Variants in MSRA observed in about 807,000 individuals in gnomAD.
MSRA encodes the protein mitochondrial peptide methionine sulfoxide reductase.
A neutral mutation model predicts 31.3 loss-of-function variants in MSRA; 54 were observed. The ratio of observed to expected loss-of-function variants is 1.73; its 90% CI spans 1.39 to 2.17. The LOEUF (loss-of-function observed/expected upper bound fraction) is 2.17, where lower values mean the gene tolerates loss of function less well. Ranked by LOEUF, MSRA falls within the 30% of genes most tolerant of loss-of-function variation. The pLI is 0.00. For synonymous variants in MSRA, 169 were observed against 116.5 expected (o/e 1.45, Z -2.90); for missense variants, 507 against 300.9 (o/e 1.69, Z -5.07).
chr8:10,100,727 G>A (rs1345778887), intron 1 of MSRA, among the ~76,000 whole-genome samples: 2 of 152,104 alleles, frequency 1.3e-5, no homozygotes, highest in African/African-American at 4.8e-5. Context: ...GTTGTGCTCA[G>A]GTTATTTTAT....
chr8:10,229,481 A>G (rs910843602), intron 2 of MSRA, among the ~76,000 whole-genome samples: 1 of 152,132 alleles, frequency 6.6e-6, no homozygotes, highest in Non-Finnish European at 1.5e-5. Context: ...GTACCACAGC[A>G]TGCTGTGATT....
chr8:10,334,634 C>T (rs1802913511), intron 5 of MSRA, among the ~76,000 whole-genome samples: 1 of 152,208 alleles, frequency 6.6e-6, no homozygotes, highest in Non-Finnish European at 1.5e-5. Context: ...AGGCAATGTT[C>T]ATTTAACGCT....
At chr8:10,215,581 G>A (rs1277162271) in intron 2 of MSRA, among the ~76,000 whole-genome samples, 1 of 152,084 alleles carries the variant, frequency 6.6e-6, no homozygotes, top group African/African-American at 2.4e-5. Flanking sequence ...CGTAACTCAG[G>A]GATTTTGAAG....
chr8:10,284,313 C>T (rs1013241036), intron 3 of MSRA, among the ~76,000 whole-genome samples: 20 of 152,192 alleles, frequency 1.3e-4, no homozygotes, highest in African/African-American at 1.9e-4. Context: ...CTCAGCCTCC[C>T]GAATAGCTGG....
chr8:10,177,425 A>C (rs1806150444), intron 1 of MSRA, among the ~76,000 whole-genome samples: 1 of 152,098 alleles, frequency 6.6e-6, no homozygotes, highest in Non-Finnish European at 1.5e-5. Context: ...TTTTTAAAAG[A>C]TTCTTGAGCT....
chr8:10,167,967 C>G (rs1254945661), intron 1 of MSRA, among the ~76,000 whole-genome samples: 1 of 152,164 alleles, frequency 6.6e-6, no homozygotes, highest in Non-Finnish European at 1.5e-5. Context: ...TGGAGAAGCT[C>G]TGTTAGGACT....
intron 3 of MSRA, among the ~76,000 whole-genome samples, chr8:10,270,518 G>T (rs1318964448): frequency 6.6e-6 from 1 of 152,138 alleles, no homozygotes; most frequent in Non-Finnish European, 1.5e-5. Flanking sequence ...AAGACTGCCA[G>T]CTTGACAGCA....
chr8:10,314,431 A>G (rs959009408), intron 4 of MSRA, among the ~76,000 whole-genome samples: 2 of 152,124 alleles, frequency 1.3e-5, no homozygotes, highest in African/African-American at 4.8e-5. Flanking sequence ...GAAAATGCAA[A>G]TTAAGATCAA....
chr8:10,123,772 G>C (rs979269917), intron 1 of MSRA, among the ~76,000 whole-genome samples: 1 of 151,974 alleles, frequency 6.6e-6, no homozygotes, highest in Non-Finnish European at 1.5e-5. Context: ...CTCATTGCTT[G>C]TTTTTGTCAG....
At chr8:10,193,770 T>A (rs909760133) in intron 1 of MSRA, among the ~76,000 whole-genome samples, 1 of 152,176 alleles carries the variant, frequency 6.6e-6, no homozygotes, top group Non-Finnish European at 1.5e-5. Context: ...CAACTTCCCT[T>A]AATTAGCCAT....
chr8:10,062,125 A>G (rs1239609513), intron 1 of MSRA, among the ~76,000 whole-genome samples: 2 of 152,148 alleles, frequency 1.3e-5, no homozygotes, highest in African/African-American at 4.8e-5. Flanking sequence ...CAAGGACCAG[A>G]GTGGAAGCCT....
intron 1 of MSRA, among the ~76,000 whole-genome samples, chr8:10,177,525 G>T (rs925822055): frequency 8.5e-5 from 13 of 152,182 alleles, no homozygotes; most frequent in Non-Finnish European, 1.9e-4. Flanking sequence ...GGGAGGAAAG[G>T]ATTGTGTTTT....
chr8:10,061,167 A>G (rs1173504731), intron 1 of MSRA, among the ~76,000 whole-genome samples: 1 of 151,912 alleles, frequency 6.6e-6, no homozygotes, highest in African/African-American at 2.4e-5. Context: ...CTTTTTCTCC[A>G]CTGTGTCCCT....
chr8:10,069,131 C>T (rs1298125173), intron 1 of MSRA, among the ~76,000 whole-genome samples: 1 of 152,330 alleles, frequency 6.6e-6, no homozygotes, highest in Non-Finnish European at 1.5e-5. Flanking sequence ...TTGTAACCTG[C>T]ACCCTTGCTG....
intron 1 of MSRA, among the ~76,000 whole-genome samples, chr8:10,190,824 A>AT (rs972292914): frequency 4.6e-5 from 7 of 152,046 alleles, no homozygotes; most frequent in African/African-American, 1.7e-4. Flanking sequence ...TTCAACTGGT[A>AT]TTTTTTCCTC....
At chr8:10,104,768 C>G (rs1231417063) in intron 1 of MSRA, among the ~76,000 whole-genome samples, 5 of 152,202 alleles carry the variant, frequency 3.3e-5, no homozygotes, top group Non-Finnish European at 5.9e-5. Flanking sequence ...TCCAACCCCC[C>G]TTCACATCAT....
At chr8:10,187,497 C>G (rs1483622801) in intron 1 of MSRA, among the ~76,000 whole-genome samples, 1 of 152,182 alleles carries the variant, frequency 6.6e-6, no homozygotes, top group African/African-American at 2.4e-5. Flanking sequence ...AGGTGCCTGA[C>G]TTACACAACC....
intron 5 of MSRA, among the ~76,000 whole-genome samples, chr8:10,332,628 CA>C (rs1802773458): frequency 6.6e-6 from 1 of 152,128 alleles, no homozygotes; most frequent in Non-Finnish European, 1.5e-5. Flanking sequence ...TGTATGCAGC[CA>C]CGTAGACAGC....
At chr8:10,209,830 G>GA (rs1809319004) in intron 2 of MSRA, among the ~76,000 whole-genome samples, 1 of 152,210 alleles carries the variant, frequency 6.6e-6, no homozygotes, top group Non-Finnish European at 1.5e-5. Flanking sequence ...TTTTAGAAGA[G>GA]ATGAATCATG....
Sources: allele counts gnomAD v4.1 joint callset (sites outside exome capture counted in the v4.1 genomes callset), GRCh38; gene constraint gnomAD v4.1.1; transcripts MANE v1.5; gene names NCBI Gene and HGNC (gene_info 2026-07-23, HGNC 2026-07-21).